Variants in TSC22D1 observed in about 807,000 individuals in gnomAD.
TSC22D1 encodes the protein TSC22 domain family member 1, also known as TSC22 domain family protein 1.
A neutral mutation model predicts 74.2 loss-of-function variants in TSC22D1; 9 were observed. The ratio of observed to expected loss-of-function variants is 0.12; its 90% CI spans 0.07 to 0.21. The LOEUF (loss-of-function observed/expected upper bound fraction) is 0.21. TSC22D1 is among the 10% of genes least tolerant of loss of function. The pLI, the probability that TSC22D1 is intolerant of heterozygous loss-of-function variation, is 1.00. For missense variants in TSC22D1, 1,427 were observed against 1,304.7 expected (o/e 1.09, Z -1.44); for synonymous variants, 586 against 492.5 (o/e 1.19, Z -2.51).
At chr13:44,462,371 T>C (rs1877044701) in intron 1 of TSC22D1, among the ~76,000 whole-genome samples, 1 of 152,212 alleles carries the variant, frequency 6.6e-6, no homozygotes, top group Non-Finnish European at 1.5e-5. Flanking sequence ...TACATCACAA[T>C]GGCCTCATTT....
intron 1 of TSC22D1, among the ~76,000 whole-genome samples, chr13:44,488,537 A>G (rs1878556597): frequency 6.6e-6 from 1 of 152,204 alleles, no homozygotes; most frequent in Non-Finnish European, 1.5e-5. Context: ...CTAATCAGTT[A>G]GTAAAACAAG....
In TSC22D1 at chr13:44,574,521, T is replaced by C. The variant is rs779665151; in HGVS notation, c.1554A>G (p.Gln518=). 3.7e-6 allele frequency: 6 copies of C among 1,614,166 alleles called. No individual in the cohort carries two copies. The highest frequency in any genetic ancestry group is 5.1e-6 in the Non-Finnish European group (6 of 1,180,038). Residue 518 remains glutamine (Q), a synonymous_variant, in exon 1 of 3, where the codon CAA becomes CAG. Transcript: ENST00000458659. ...GACCAGTGCTACCAAAATCCATCTG[T>C]TGGAGGGTCACACCTTGGAGAGCTG... is the stretch of plus-strand genomic sequence containing the variant. ...QQPALQGVTL[Q]QMDFGSTGPQ... is the part of the protein sequence containing the mutation.
intron 1 of TSC22D1, among the ~76,000 whole-genome samples, chr13:44,461,841 T>C (rs1315825309): frequency 6.6e-6 from 1 of 152,118 alleles, no homozygotes. Flanking sequence ...TCAACCTAAC[T>C]AGTGCAAACC....
chr13:44,543,570 G>C (rs1219291491), intron 1 of TSC22D1, among the ~76,000 whole-genome samples: 1 of 152,182 alleles, frequency 6.6e-6, no homozygotes, highest in Non-Finnish European at 1.5e-5. Flanking sequence ...AACAGTCCTA[G>C]CTGGCAGTAA....
At chr13:44,491,270 G>A (rs559626455) in intron 1 of TSC22D1, among the ~76,000 whole-genome samples, 1 of 152,226 alleles carries the variant, frequency 6.6e-6, no homozygotes, top group East Asian at 1.9e-4. Flanking sequence ...TTAGTATCCA[G>A]AGGCCGGGCG....
chr13:44,548,686 T>G (rs571147926), intron 1 of TSC22D1, among the ~76,000 whole-genome samples: 1 of 152,142 alleles, frequency 6.6e-6, no homozygotes, highest in African/African-American at 2.4e-5. Flanking sequence ...AGCAAGATAA[T>G]CTAGGAAAAG....
chr13:44,510,973 G>T (rs1263980993), intron 1 of TSC22D1, among the ~76,000 whole-genome samples: 1 of 152,134 alleles, frequency 6.6e-6, no homozygotes, highest in Admixed American at 6.5e-5. Context: ...ATGAAAAATT[G>T]TATATACCAA....
chr13:44,491,397 CA>C (rs1294458291), intron 1 of TSC22D1, among the ~76,000 whole-genome samples: 1 of 151,314 alleles, frequency 6.6e-6, no homozygotes, highest in Non-Finnish European at 1.5e-5. Context: ...ATTAAAAATA[CA>C]AAAAAATTAG....
intron 1 of TSC22D1, among the ~76,000 whole-genome samples, chr13:44,556,303 T>A (rs188628139): frequency 2.0e-5 from 3 of 151,560 alleles, no homozygotes; most frequent in Non-Finnish European, 2.9e-5. Flanking sequence ...TCCTTGTACT[T>A]TGGGAGGCCA....
rs200165709 is a variant in TSC22D1 at position 44,557,564 on chromosome 13, AT to A, written c.2912+15598del. ...TATTAAAGCATTCATATAAACTATC[AT>A]TTTTTTTATACTTCCCCAAGTGAGT... On this transcript the variant is annotated intron_variant, in intron 1 of 2. Coordinates refer to ENST00000458659, the MANE Select transcript of TSC22D1 (RefSeq NM_183422.4). Among the ~76,000 whole-genome samples the A allele has an allele frequency of 2.0e-3, 303 of 152,208 alleles. 1 individual carries two copies. The highest frequency in any genetic ancestry group is 5.5e-3 in the African/African-American group (227 of 41,550).
intron 1 of TSC22D1, among the ~76,000 whole-genome samples, chr13:44,459,875 C>G (rs1453253712): frequency 6.6e-6 from 1 of 152,216 alleles, no homozygotes; most frequent in Non-Finnish European, 1.5e-5. Context: ...GTTTCACACA[C>G]CCCTTGCCAC....
intron 1 of TSC22D1, among the ~76,000 whole-genome samples, chr13:44,530,663 C>CA (rs57089792): frequency 0.18 from 22,936 of 129,728 alleles, 2,058 homozygotes; most frequent in African/African-American, 0.28. Context: ...TCTTAAAACT[C>CA]AAAAAAAAAA....
At chr13:44,440,919 G>C (rs1875145292) in intron 1 of TSC22D1, among the ~76,000 whole-genome samples, 1 of 152,182 alleles carries the variant, frequency 6.6e-6, no homozygotes, top group African/African-American at 2.4e-5. Flanking sequence ...TTTGCTGGCA[G>C]TCAGAAAAAG....
At chr13:44,516,482 A>G (rs1341887127) in intron 1 of TSC22D1, 4 of 239,564 alleles carry the variant, frequency 1.7e-5, no homozygotes, top group Non-Finnish European at 3.3e-5. Context: ...GGTGGCCATC[A>G]GACAGAAAAG....
chr13:44,444,336 A>T (rs1416754526), intron 1 of TSC22D1, among the ~76,000 whole-genome samples: 1 of 149,624 alleles, frequency 6.7e-6, no homozygotes, highest in African/African-American at 2.5e-5. Context: ...AAAAAAAAAC[A>T]ATAATGACAT....
Position 44,460,111 on chromosome 13 carries a change from A to G in TSC22D1, c.2913-24016T>C, listed in dbSNP as rs146496016. On this transcript the variant is annotated intron_variant, in intron 1 of 2. Transcript: ENST00000458659. ...ATCCTGTGACAATAATATTGTTATG[A>G]CATTTAAAAGAGATAACACAAGAAA... 3.9e-5 allele frequency among the ~76,000 whole-genome samples: 6 copies of G among 152,356 alleles called. No individual in the cohort carries two copies. The East Asian group carries it at 9.6e-4, about 24-fold the overall frequency.
chr13:44,442,114 G>C (rs1315607066), intron 1 of TSC22D1, among the ~76,000 whole-genome samples: 4 of 152,196 alleles, frequency 2.6e-5, no homozygotes, highest in Non-Finnish European at 4.4e-5. Context: ...GGAAAAATGA[G>C]TCCTAGACTG....
chr13:44,468,628 G>A (rs558116834), intron 1 of TSC22D1, among the ~76,000 whole-genome samples: 1 of 149,606 alleles, frequency 6.7e-6, no homozygotes, highest in South Asian at 2.1e-4. Flanking sequence ...TGAGGTAGCT[G>A]GTATTTAATC....
At chr13:44,569,544 TAAC>T (rs1883611333) in intron 1 of TSC22D1, among the ~76,000 whole-genome samples, 2 of 152,332 alleles carry the variant, frequency 1.3e-5, no homozygotes, top group South Asian at 2.1e-4. Context: ...GTATTTTAGT[TAAC>T]AAAGTATTTT....
Sources: allele counts gnomAD v4.1 joint callset (sites outside exome capture counted in the v4.1 genomes callset), GRCh38; gene constraint gnomAD v4.1.1; transcripts MANE v1.5; gene names NCBI Gene and HGNC (gene_info 2026-07-23, HGNC 2026-07-21).